Variants in OR2L13 observed in about 807,000 individuals in gnomAD.
OR2L13 encodes olfactory receptor family 2 subfamily L member 13.
Under a neutral mutation model 15.3 loss-of-function variants are expected in OR2L13, and 14 were observed. The ratio of observed to expected loss-of-function variants is 0.91; its 90% CI spans 0.60 to 1.43. The LOEUF is 1.43. Ranked by LOEUF, OR2L13 falls within the 40% of genes most tolerant of loss-of-function variation. The pLI, the probability that OR2L13 is intolerant of heterozygous loss-of-function variation, is 0.00. For synonymous variants in OR2L13, 152 were observed against 142.9 expected (o/e 1.06, Z -0.45); for missense variants, 367 against 387.9 (o/e 0.95, Z 0.45).
At chr1:247,997,471 A>T in the OR2L13 span, among the ~76,000 whole-genome samples, 2 of 152,182 alleles carry the variant, frequency 1.3e-5, no homozygotes, top group Non-Finnish European at 2.9e-5. Flanking sequence ...ACTCCCATGT[A>T]TGCGATATTT....
chr1:248,058,628 G>A, the OR2L13 span, among the ~76,000 whole-genome samples: 6 of 151,762 alleles, frequency 4.0e-5, no homozygotes, highest in Non-Finnish European at 7.4e-5. Context: ...AAATTTTTCC[G>A]AGGAAATAGA....
At chr1:248,017,826 A>G in the OR2L13 span, among the ~76,000 whole-genome samples, 2 of 152,188 alleles carry the variant, frequency 1.3e-5, no homozygotes, top group Non-Finnish European at 2.9e-5. Context: ...GGTAAACACA[A>G]TGTCATACAA....
At chr1:248,022,180 C>T in the OR2L13 span, 2 of 1,613,902 alleles carry the variant, frequency 1.2e-6, no homozygotes, top group Non-Finnish European at 1.7e-6. Flanking sequence ...ACGATTGTTC[C>T]TAAGATGGCT....
the OR2L13 span, chr1:248,061,720 A>G: frequency 3.6e-6 from 4 of 1,124,422 alleles, no homozygotes; most frequent in African/African-American, 6.3e-5. Context: ...AGGAGCTAAA[A>G]GTAATCAAGG....
the OR2L13 span, among the ~76,000 whole-genome samples, chr1:248,020,095 TA>T: frequency 3.9e-5 from 6 of 152,296 alleles, no homozygotes; most frequent in East Asian, 1.2e-3. Flanking sequence ...TCCTTTCTTC[TA>T]TTGGTATACA....
chr1:248,050,200 G>A, the OR2L13 span, among the ~76,000 whole-genome samples: 1 of 151,690 alleles, frequency 6.6e-6, no homozygotes, highest in Admixed American at 6.6e-5. Flanking sequence ...GACTTTTTCT[G>A]CTCGTTCTTT....
the OR2L13 span, among the ~76,000 whole-genome samples, chr1:247,948,214 TAAAAAA>T: frequency 6.6e-6 from 1 of 150,776 alleles, no homozygotes; most frequent in Non-Finnish European, 1.5e-5. Context: ...CCCTGTCACT[TAAAAAA>T]AAAGAAAAAG....
At chr1:247,977,894 C>T in the OR2L13 span, among the ~76,000 whole-genome samples, 5,607 of 152,188 alleles carry the variant, frequency 0.037, 319 homozygotes, top group African/African-American at 0.13. Flanking sequence ...GACTCCATCA[C>T]TCACTTCTCG....
At chr1:247,958,881 T>C in the OR2L13 span, among the ~76,000 whole-genome samples, 121,309 of 151,964 alleles carry the variant, frequency 0.8, 52,615 homozygotes, top group South Asian at 0.95. Flanking sequence ...ACTGATGGGT[T>C]TTGACTCTTT....
At chr1:248,003,959 T>C in the OR2L13 span, 1 of 1,613,926 alleles carries the variant, frequency 6.2e-7, no homozygotes, top group South Asian at 1.1e-5. Context: ...GGCTGTCTTC[T>C]ACACCACCCT....
the OR2L13 span, among the ~76,000 whole-genome samples, chr1:247,979,683 A>G: frequency 6.6e-5 from 10 of 152,124 alleles, no homozygotes; most frequent in East Asian, 5.8e-4. Context: ...GCCTGTCCCA[A>G]TGAGATGAAC....
chr1:248,069,196 A>G, the OR2L13 span, among the ~76,000 whole-genome samples: 5 of 152,220 alleles, frequency 3.3e-5, no homozygotes, highest in African/African-American at 1.2e-4. Context: ...GTTGAAATGA[A>G]GGAAAAAATG....
At chr1:248,017,512 T>A in the OR2L13 span, among the ~76,000 whole-genome samples, 11 of 152,370 alleles carry the variant, frequency 7.2e-5, no homozygotes, top group East Asian at 1.9e-3. Flanking sequence ...GAGCAAGGTC[T>A]GGTAGAAAGA....
At chr1:248,031,032 T>G in the OR2L13 span, among the ~76,000 whole-genome samples, 1 of 152,176 alleles carries the variant, frequency 6.6e-6, no homozygotes, top group Admixed American at 6.5e-5. Flanking sequence ...TGAAAGCAAG[T>G]AGAAATGTTT....
chr1:248,020,515 G>A, the OR2L13 span, among the ~76,000 whole-genome samples: 12 of 152,244 alleles, frequency 7.9e-5, no homozygotes, highest in African/African-American at 2.9e-4. Flanking sequence ...AAACATGGAA[G>A]CTAAAATGAA....
At chr1:247,940,145 C>T in the OR2L13 span, among the ~76,000 whole-genome samples, 2 of 152,184 alleles carry the variant, frequency 1.3e-5, no homozygotes, top group African/African-American at 4.8e-5. Context: ...TATACATACA[C>T]ATACTTACAT....
the OR2L13 span, among the ~76,000 whole-genome samples, chr1:247,991,837 G>A: frequency 1.3e-5 from 2 of 149,520 alleles, no homozygotes; most frequent in African/African-American, 5.0e-5. Context: ...AAAGTTATCC[G>A]CTTAGGTCCT....
At chr1:248,003,283 C>T in the OR2L13 span, 1 of 1,573,796 alleles carries the variant, frequency 6.4e-7, no homozygotes, top group African/African-American at 1.4e-5. Context: ...TCTTCTTGGA[C>T]ACTCATCTCC....
upstream of OR2L13, among the ~76,000 whole-genome samples, chr1:248,092,725 G>A (rs1664627975): frequency 6.6e-6 from 1 of 152,114 alleles, no homozygotes; most frequent in South Asian, 2.1e-4. Context: ...GCTTCATGGA[G>A]ACACCATCAC....
Sources: gnomAD v4.1 joint callset for allele counts (sites outside exome capture counted in the v4.1 genomes callset) on GRCh38, gnomAD v4.1.1 for gene constraint, MANE v1.5 for transcripts, NCBI Gene and HGNC (gene_info 2026-07-23, HGNC 2026-07-21) for gene names.